The following DENND1A variants were observed in gnomAD, a reference collection of about 807,000 sequenced individuals.
DENND1A encodes the protein DENN domain containing 1A.
Under a neutral mutation model 113.7 loss-of-function variants are expected in DENND1A, and 51 were observed. The ratio of observed to expected loss-of-function variants is 0.45; its 90% CI spans 0.36 to 0.57. The LOEUF is 0.57. Among genes scored for constraint, DENND1A ranks in the 20% least tolerant of loss-of-function variants. The pLI is 0.00. For missense variants in DENND1A, 1,258 were observed against 1,395.9 expected (o/e 0.90, Z 1.57); for synonymous variants, 565 against 570.8 (o/e 0.99, Z 0.14).
chr9:123,631,439 T>A (rs539843330), intron 9 of DENND1A, among the ~76,000 whole-genome samples: 1 of 152,222 alleles, frequency 6.6e-6, no homozygotes, highest in East Asian at 1.9e-4. Context: ...ACTGATGAAA[T>A]GCAAAGAATA....
chr9:123,890,117 G>A (rs756838507), intron 1 of DENND1A, among the ~76,000 whole-genome samples: 5 of 152,190 alleles, frequency 3.3e-5, no homozygotes, highest in Non-Finnish European at 7.3e-5. Flanking sequence ...AACCGTGTCA[G>A]GTAATAAGAT....
Position 123,457,915 on chromosome 9 carries a change from G to T in DENND1A, c.994-18C>A. 1 of 1,594,274 alleles carries T rather than the reference G, an allele frequency of 6.3e-7. No homozygotes were observed. Among genetic ancestry groups the T allele is most frequent in the Non-Finnish European group, 8.6e-7 (1 of 1,167,692 alleles). The stretch of plus-strand genomic sequence containing the variant: ...GGCTCCTCCTGGGAAGTGCAGAGGG[G>T]AGAGGTGGGTCAGTGGCACGGAGCA... On this transcript the variant is annotated intron_variant, in intron 13 of 23. Coordinates refer to ENST00000394215, the MANE Select transcript of DENND1A (RefSeq NM_001352964.2).
At chr9:123,878,148 A>G (rs545784991) in intron 2 of DENND1A, among the ~76,000 whole-genome samples, 1 of 151,968 alleles carries the variant, frequency 6.6e-6, no homozygotes, top group African/African-American at 2.4e-5. Flanking sequence ...GGTTGCGGTG[A>G]GCCAAGATCA....
intron 13 of DENND1A, among the ~76,000 whole-genome samples, chr9:123,499,500 G>T (rs887617228): frequency 6.6e-6 from 1 of 152,140 alleles, no homozygotes; most frequent in Non-Finnish European, 1.5e-5. Context: ...ACCAGGCAGC[G>T]CTCTCATCAC....
rs773318560 is a variant in DENND1A at position 123,651,966 on chromosome 9, A to G, written c.618+47T>C. On this transcript the variant is annotated intron_variant, in intron 9 of 23. Transcript: ENST00000394215. ...TTTCATCTTGCTGGTGTATCTTTCAATTAAAATTAGATCATTAAAAAGCCA... is the reference window on the plus strand; with the variant it reads ...TTTCATCTTGCTGGTGTATCTTTCAGTTAAAATTAGATCATTAAAAAGCCA... The G allele has an allele frequency of 3.2e-6, 5 of 1,539,272 alleles. No homozygotes were observed. The African/African-American group carries it at 6.8e-5, about 21-fold the overall frequency.
At chr9:123,523,851 A>G (rs1375469618) in intron 13 of DENND1A, among the ~76,000 whole-genome samples, 1 of 152,238 alleles carries the variant, frequency 6.6e-6, no homozygotes, top group African/African-American at 2.4e-5. Flanking sequence ...TATAGTTGAT[A>G]AGCATGAAAA....
intron 11 of DENND1A, among the ~76,000 whole-genome samples, chr9:123,604,930 G>A (rs2060086988): frequency 6.6e-6 from 1 of 152,136 alleles, no homozygotes; most frequent in South Asian, 2.1e-4. Context: ...AGCTCTTTAT[G>A]TGCAGGAACT....
intron 5 of DENND1A, among the ~76,000 whole-genome samples, chr9:123,729,861 C>T (rs1000388610): frequency 6.6e-6 from 1 of 152,154 alleles, no homozygotes; most frequent in Admixed American, 6.5e-5. Flanking sequence ...TCAAACTATA[C>T]TATAAGGCTG....
Position 123,623,291 on chromosome 9 carries a change from T to C in DENND1A, c.719+7085A>G, listed in dbSNP as rs115361080. Among the ~76,000 whole-genome samples, 462 of 152,330 alleles carry C rather than the reference T, an allele frequency of 3.0e-3. 3 individuals are homozygous for C. Among genetic ancestry groups the C allele is most frequent in the African/African-American group, 0.011 (441 of 41,586 alleles). On this transcript the variant is annotated intron_variant, in intron 10 of 23. Coordinates refer to ENST00000394215, the MANE Select transcript of DENND1A (RefSeq NM_001352964.2). ...AACCAAAATCCATGTCCCATGTTTA[T>C]AATAATGGTGAAAAAAGCAATCATC... is the stretch of plus-strand genomic sequence containing the variant.
intron 13 of DENND1A, chr9:123,492,811 G>C (rs749869673): frequency 3.3e-5 from 5 of 152,176 alleles, no homozygotes; most frequent in Non-Finnish European, 7.3e-5. Flanking sequence ...CTCCAACATC[G>C]TCTCTTTGTT....
At chr9:123,727,476 A>G (rs942939786) in intron 5 of DENND1A, among the ~76,000 whole-genome samples, 1 of 152,216 alleles carries the variant, frequency 6.6e-6, no homozygotes, top group Non-Finnish European at 1.5e-5. Context: ...CACTTTTCCG[A>G]TCCTCCAGAT....
intron 10 of DENND1A, among the ~76,000 whole-genome samples, chr9:123,628,397 G>A (rs930327565): frequency 1.8e-4 from 28 of 151,814 alleles, no homozygotes; most frequent in African/African-American, 6.3e-4. Context: ...CCATGGCAGC[G>A]GGGACAGGAG....
At chr9:123,384,663 A>G (rs1783793328) in intron 22 of DENND1A, among the ~76,000 whole-genome samples, 1 of 152,162 alleles carries the variant, frequency 6.6e-6, no homozygotes, top group African/African-American at 2.4e-5. Context: ...CCTTGCAGTC[A>G]TTGGCTGGGC....
chr9:123,613,737 A>C (rs1165167386), intron 10 of DENND1A, among the ~76,000 whole-genome samples: 1 of 152,236 alleles, frequency 6.6e-6, no homozygotes, highest in Admixed American at 6.5e-5. Flanking sequence ...GTTATAACCA[A>C]ACTTATGCAT....
At chr9:123,833,390 A>C (rs550098956) in intron 2 of DENND1A, among the ~76,000 whole-genome samples, 1 of 151,752 alleles carries the variant, frequency 6.6e-6, no homozygotes, top group Non-Finnish European at 1.5e-5. Flanking sequence ...AAATAGCTGG[A>C]AAAAAAATCA....
intron 13 of DENND1A, among the ~76,000 whole-genome samples, chr9:123,459,698 C>A (rs1465825961): frequency 2.6e-5 from 4 of 151,894 alleles, no homozygotes; most frequent in African/African-American, 9.7e-5. Flanking sequence ...AAGGGTAACA[C>A]CCCACCCCCC....
chr9:123,771,789 T>C (rs1010213221), intron 3 of DENND1A, among the ~76,000 whole-genome samples: 1 of 151,912 alleles, frequency 6.6e-6, no homozygotes, highest in Non-Finnish European at 1.5e-5. Flanking sequence ...AAATACCCAA[T>C]GTAGGCTGAG....
chr9:123,676,768 T>C lies in DENND1A; in HGVS notation c.324A>G (p.Val108=), dbSNP rs1364350278. ...CILSYLPWFE[V]FYKLLNILAD... is the part of the protein sequence containing the mutation. ...CCAGGATGTTAAGCAGCTTATAAAA[T>C]ACCTCGAACCAGGGGAGATAGCTGG... The change falls in exon 6 of 24, where the codon GTA becomes GTG. Residue 108 remains valine, a synonymous_variant. Transcript: ENST00000394215. 6.2e-7 allele frequency: 1 copy of C among 1,614,086 alleles called. No individual in the cohort carries two copies.
intron 13 of DENND1A, among the ~76,000 whole-genome samples, chr9:123,512,194 G>A (rs890030947): frequency 2.0e-5 from 3 of 152,202 alleles, no homozygotes; most frequent in Non-Finnish European, 4.4e-5. Context: ...ATGCTGCAGC[G>A]GAAATATCAC....
Sources: allele counts gnomAD v4.1 joint callset (sites outside exome capture counted in the v4.1 genomes callset), GRCh38; gene constraint gnomAD v4.1.1; transcripts MANE v1.5; gene names NCBI Gene and HGNC (gene_info 2026-07-23, HGNC 2026-07-21).